The following LRRIQ1 variants were observed in gnomAD, a reference collection of about 807,000 sequenced individuals.
LRRIQ1 encodes leucine-rich repeat- and IQ domain-containing protein 1.
Under a neutral mutation model 211.9 loss-of-function variants are expected in LRRIQ1, and 210 were observed. The ratio of observed to expected loss-of-function variants is 0.99; its 90% CI spans 0.89 to 1.11. LRRIQ1 has a LOEUF of 1.11. Ranked by LOEUF, LRRIQ1 falls within the 50% of genes most tolerant of loss-of-function variation. The probability of loss-of-function intolerance (pLI) is 0.00; values close to 1 mark genes in which losing one functional copy is unlikely to be tolerated. For synonymous variants in LRRIQ1, 699 were observed against 650.1 expected (o/e 1.08, Z -1.14); for missense variants, 2,136 against 1,939.5 (o/e 1.10, Z -1.90).
chr12:85,064,362 T>C (rs1882196921), intron 8 of LRRIQ1, among the ~76,000 whole-genome samples: 2 of 151,850 alleles, frequency 1.3e-5, no homozygotes, highest in East Asian at 1.9e-4. Context: ...CATTTTAGAT[T>C]GGATTATGAG....
intron 24 of LRRIQ1, among the ~76,000 whole-genome samples, chr12:85,225,662 C>T (rs763399314): frequency 2.0e-5 from 3 of 152,044 alleles, no homozygotes; most frequent in Non-Finnish European, 4.4e-5. Context: ...TGATGCAAGA[C>T]CCATAGAAGT....
intron 26 of LRRIQ1, among the ~76,000 whole-genome samples, chr12:85,234,815 A>G (rs985464505): frequency 5.3e-5 from 8 of 152,252 alleles, no homozygotes; most frequent in Non-Finnish European, 7.3e-5. Context: ...AAATGTTAGA[A>G]AAGACAGATG....
chr12:85,101,634 T>A (rs1385991079), intron 13 of LRRIQ1, among the ~76,000 whole-genome samples: 1 of 151,622 alleles, frequency 6.6e-6, no homozygotes, highest in East Asian at 1.9e-4. Flanking sequence ...GTTCTAGAGG[T>A]TTTTTAAAAA....
At chr12:85,079,620 A>G (rs762979570) in intron 11 of LRRIQ1, among the ~76,000 whole-genome samples, 1 of 152,088 alleles carries the variant, frequency 6.6e-6, no homozygotes, top group Non-Finnish European at 1.5e-5. Flanking sequence ...TTATTGCTTT[A>G]TCTGGACTGG....
At chr12:85,209,090 A>G (rs980476644) in intron 24 of LRRIQ1, among the ~76,000 whole-genome samples, 1 of 152,212 alleles carries the variant, frequency 6.6e-6, no homozygotes, top group East Asian at 1.9e-4. Context: ...ATTTGCCACT[A>G]AATAGCTCTT....
chr12:85,235,192 T>A (rs184987822), intron 26 of LRRIQ1, among the ~76,000 whole-genome samples: 7 of 152,300 alleles, frequency 4.6e-5, no homozygotes, highest in Admixed American at 6.5e-5. Context: ...AAACAAAATA[T>A]CATTTTCTTT....
intron 11 of LRRIQ1, among the ~76,000 whole-genome samples, chr12:85,093,460 G>A (rs949093792): frequency 2.0e-5 from 3 of 152,176 alleles, no homozygotes; most frequent in South Asian, 2.1e-4. Context: ...GCACACGTAC[G>A]TGAGAAGATG....
chr12:85,163,047 T>C (rs1890977114), intron 24 of LRRIQ1, among the ~76,000 whole-genome samples: 1 of 152,194 alleles, frequency 6.6e-6, no homozygotes, highest in Non-Finnish European at 1.5e-5. Flanking sequence ...ATGTTGTCTT[T>C]AACTGCTGCT....
intron 11 of LRRIQ1, among the ~76,000 whole-genome samples, chr12:85,090,272 A>G (rs1277324330): frequency 6.6e-6 from 1 of 152,206 alleles, no homozygotes; most frequent in Non-Finnish European, 1.5e-5. Context: ...AACCTCTACC[A>G]AAGTAGGGCA....
chr12:85,099,505 G>A (rs535252068), intron 13 of LRRIQ1, among the ~76,000 whole-genome samples: 2 of 151,916 alleles, frequency 1.3e-5, no homozygotes, highest in Admixed American at 6.6e-5. Context: ...ATTGAAATGG[G>A]TACCTGCCTC....
intron 11 of LRRIQ1, among the ~76,000 whole-genome samples, chr12:85,095,753 T>A (rs1246183956): frequency 6.6e-6 from 1 of 152,158 alleles, no homozygotes; most frequent in Non-Finnish European, 1.5e-5. Context: ...CAGCTTTGAA[T>A]CCATCTGGTC....
chr12:85,090,429 A>G (rs905491307), intron 11 of LRRIQ1, among the ~76,000 whole-genome samples: 3 of 152,066 alleles, frequency 2.0e-5, no homozygotes, highest in Admixed American at 1.3e-4. Context: ...AGCTACAGAC[A>G]CTCAACTCCA....
chr12:85,124,261 A>G lies in LRRIQ1; in HGVS notation c.3749A>G (p.Tyr1250Cys). ...SDSTLQNGVF[Y>C]SCAREGEPDS... ...AGCACTCTGCAAAATGGAGTCTTCT[A>G]CTCTTGTGCACGTGAAGGTGAGCCA... is the stretch of plus-strand genomic sequence containing the variant. The change falls in exon 17 of 27, where the codon TAC becomes TGC. Residue 1250 changes from tyrosine (Y) to cysteine (C), a missense_variant. Coordinates refer to ENST00000393217, the MANE Select transcript of LRRIQ1 (RefSeq NM_001079910.2). The G allele has an allele frequency of 6.2e-7, 1 of 1,614,030 alleles. No homozygotes were observed. The highest frequency in any genetic ancestry group is 8.5e-7 in the Non-Finnish European group (1 of 1,179,998).
downstream of LRRIQ1, among the ~76,000 whole-genome samples, chr12:85,265,722 C>A (rs1896403985): frequency 6.6e-6 from 1 of 151,884 alleles, no homozygotes; most frequent in Non-Finnish European, 1.5e-5. Context: ...TATAAAAATA[C>A]AGAATTGCCC....
intron 12 of LRRIQ1, 54 bp downstream of exon 12, chr12:85,098,602 T>C: frequency 1.4e-6 from 2 of 1,420,130 alleles, no homozygotes; most frequent in Non-Finnish European, 9.6e-7. Flanking sequence ...TTTCTTTTGA[T>C]AGAAATACCA....
intron 24 of LRRIQ1, among the ~76,000 whole-genome samples, chr12:85,192,782 TAA>T (rs1263959899): frequency 9.5e-6 from 1 of 105,232 alleles, no homozygotes; most frequent in African/African-American, 3.8e-5. Flanking sequence ...TAATTATATA[TAA>T]ATATATATAG....
At chr12:85,107,065 C>A (rs1886832796) in intron 15 of LRRIQ1, among the ~76,000 whole-genome samples, 1 of 151,964 alleles carries the variant, frequency 6.6e-6, no homozygotes, top group African/African-American at 2.4e-5. Flanking sequence ...TATTTAAATT[C>A]TTGCTCCTCT....
chr12:85,064,348 TGC>T (rs1339447920), intron 8 of LRRIQ1, among the ~76,000 whole-genome samples: 1 of 151,894 alleles, frequency 6.6e-6, no homozygotes, highest in Non-Finnish European at 1.5e-5. Flanking sequence ...TCAGATCTTT[TGC>T]CCATTTTAGA....
intron 25 of LRRIQ1, among the ~76,000 whole-genome samples, chr12:85,231,376 A>T (rs1192539537): frequency 6.6e-6 from 1 of 152,200 alleles, no homozygotes; most frequent in Admixed American, 6.5e-5. Context: ...GAATAAAGGC[A>T]TCAATATTTG....
Sources: gnomAD v4.1 joint callset for allele counts (sites outside exome capture counted in the v4.1 genomes callset) on GRCh38, gnomAD v4.1.1 for gene constraint, MANE v1.5 for transcripts, NCBI Gene and HGNC (gene_info 2026-07-23, HGNC 2026-07-21) for gene names.